Variants in UBE2H observed in about 807,000 individuals in gnomAD.
UBE2H encodes the protein ubiquitin conjugating enzyme E2 H.
In UBE2H, 3 loss-of-function variants were observed where a neutral mutation model predicts 29.0. The observed-to-expected ratio is 0.10, with a 90% CI of 0.05 to 0.27. UBE2H has a LOEUF of 0.27. Among genes scored for constraint, UBE2H ranks in the 10% least tolerant of loss-of-function variants. The probability of loss-of-function intolerance (pLI) is 1.00; values close to 1 mark genes in which losing one functional copy is unlikely to be tolerated. For synonymous variants in UBE2H, 69 were observed against 82.9 expected (o/e 0.83, Z 0.91); for missense variants, 68 against 228.2 (o/e 0.30, Z 4.52).
intron 1 of UBE2H, among the ~76,000 whole-genome samples, chr7:129,950,743 T>C (rs774688070): frequency 6.6e-6 from 1 of 152,236 alleles, no homozygotes; most frequent in Non-Finnish European, 1.5e-5. Flanking sequence ...TGTCATTTCC[T>C]AGTTTCTAAA....
intron 5 of UBE2H, among the ~76,000 whole-genome samples, chr7:129,848,191 C>A (rs1259086100): frequency 1.3e-5 from 2 of 152,290 alleles, no homozygotes; most frequent in African/African-American, 4.8e-5. Context: ...CTGCTGCACT[C>A]CAGCCTGGAC....
intron 1 of UBE2H, among the ~76,000 whole-genome samples, chr7:129,891,608 C>T (rs1391404791): frequency 6.6e-6 from 1 of 152,088 alleles, no homozygotes; most frequent in African/African-American, 2.4e-5. Context: ...TCAAGACCAG[C>T]CTGGCCAACA....
chr7:129,892,457 G>A (rs1451682938), intron 1 of UBE2H, among the ~76,000 whole-genome samples: 2 of 151,612 alleles, frequency 1.3e-5, no homozygotes, highest in Non-Finnish European at 2.9e-5. Flanking sequence ...TTGCCATATT[G>A]TCCAGGCTGG....
At chr7:129,844,458 T>C (rs879861661) in intron 5 of UBE2H, among the ~76,000 whole-genome samples, 9 of 152,240 alleles carry the variant, frequency 5.9e-5, no homozygotes, top group Non-Finnish European at 8.8e-5. Context: ...GAACACTTTT[T>C]CCCTAGATTT....
At chr7:129,879,504 ATG>A in intron 3 of UBE2H, 62 bp downstream of exon 3, 1 of 1,476,600 alleles carries the variant, frequency 6.8e-7, no homozygotes. Flanking sequence ...CTCCCCTGAA[ATG>A]TAAGATTTTT....
intron 5 of UBE2H, among the ~76,000 whole-genome samples, chr7:129,856,598 C>T (rs1805710224): frequency 1.3e-5 from 2 of 152,164 alleles, no homozygotes; most frequent in Non-Finnish European, 2.9e-5. Context: ...GGGGTAGGAG[C>T]ACTGGAGTAG....
chr7:129,900,931 T>C (rs892598427), intron 1 of UBE2H, among the ~76,000 whole-genome samples: 2 of 152,032 alleles, frequency 1.3e-5, no homozygotes, highest in African/African-American at 4.8e-5. Flanking sequence ...TTTGTATTTT[T>C]AGTAGAGAAG....
Position 129,893,185 on chromosome 7 carries a change from T to G in UBE2H, c.54-12214A>C, listed in dbSNP as rs56085705. On this transcript the variant is annotated intron_variant, in intron 1 of 6. Coordinates refer to ENST00000355621, the MANE Select transcript of UBE2H (RefSeq NM_003344.4). ...ATTACCACCTAGCAGACTAAATCAGTCTAGCCTTAGGAGAGGAAATTTTTC... is the reference window on the plus strand; with the variant it reads ...ATTACCACCTAGCAGACTAAATCAGGCTAGCCTTAGGAGAGGAAATTTTTC... Among the ~76,000 whole-genome samples, 3 of 152,188 alleles carry G rather than the reference T, an allele frequency of 2.0e-5. No individual in the cohort carries two copies. In the East Asian group the frequency reaches 5.8e-4, roughly 29 times the overall value.
chr7:129,856,221 A>G (rs1805702266), intron 5 of UBE2H, among the ~76,000 whole-genome samples: 1 of 152,238 alleles, frequency 6.6e-6, no homozygotes, highest in Non-Finnish European at 1.5e-5. Context: ...GGCTGGACTA[A>G]GAAGTCTTAC....
At chr7:129,857,904 T>A (rs1256585043) in intron 4 of UBE2H, among the ~76,000 whole-genome samples, 1 of 152,218 alleles carries the variant, frequency 6.6e-6, no homozygotes, top group African/African-American at 2.4e-5. Flanking sequence ...CTTAAGTGTG[T>A]TCATGCCCTG....
chr7:129,859,817 C>T (rs1805767321), intron 3 of UBE2H, among the ~76,000 whole-genome samples: 2 of 152,148 alleles, frequency 1.3e-5, no homozygotes. Flanking sequence ...ATCTGAAGTT[C>T]CTTATTAAGG....
chr7:129,838,482 A>G (rs1451010943), intron 6 of UBE2H, among the ~76,000 whole-genome samples: 6 of 152,140 alleles, frequency 3.9e-5, no homozygotes, highest in African/African-American at 1.4e-4. Flanking sequence ...GCTAGATACT[A>G]ATGCCTGCCA....
At chr7:129,846,270 G>A (rs1805508733) in intron 5 of UBE2H, among the ~76,000 whole-genome samples, 1 of 152,060 alleles carries the variant, frequency 6.6e-6, no homozygotes, top group Non-Finnish European at 1.5e-5. Flanking sequence ...CACTTTGGGA[G>A]GCCAAGGCAG....
At chr7:129,941,230 A>G (rs1807635730) in intron 1 of UBE2H, among the ~76,000 whole-genome samples, 1 of 152,122 alleles carries the variant, frequency 6.6e-6, no homozygotes, top group African/African-American at 2.4e-5. Flanking sequence ...TTTAGTAGAG[A>G]CAGGGTTTCA....
chr7:129,912,088 C>T (rs765802451), intron 1 of UBE2H, among the ~76,000 whole-genome samples: 22 of 152,094 alleles, frequency 1.4e-4, no homozygotes, highest in Non-Finnish European at 2.1e-4. Context: ...TAAAATGTTC[C>T]TTCAGTTTAG....
At chr7:129,852,609 C>T (rs1805631607) in intron 5 of UBE2H, among the ~76,000 whole-genome samples, 1 of 152,206 alleles carries the variant, frequency 6.6e-6, no homozygotes, top group Non-Finnish European at 1.5e-5. Flanking sequence ...ATTTTTCTCT[C>T]CAGCAAAATA....
At chr7:129,913,922 C>G (rs541224657) in intron 1 of UBE2H, among the ~76,000 whole-genome samples, 1 of 152,218 alleles carries the variant, frequency 6.6e-6, no homozygotes, top group Admixed American at 6.5e-5. Flanking sequence ...TTGTTACCGA[C>G]ATGGAAGGAG....
At chr7:129,855,951 T>C (rs1019667770) in intron 5 of UBE2H, among the ~76,000 whole-genome samples, 5 of 152,070 alleles carry the variant, frequency 3.3e-5, no homozygotes, top group African/African-American at 1.2e-4. Flanking sequence ...CTGGGTGCTG[T>C]GCTATGGAGG....
At chr7:129,895,832 C>T (rs1251516006) in intron 1 of UBE2H, among the ~76,000 whole-genome samples, 5 of 151,874 alleles carry the variant, frequency 3.3e-5, no homozygotes, top group East Asian at 3.9e-4. Flanking sequence ...GTTGAGATCG[C>T]GCCACTGCAC....
Sources: gnomAD v4.1 joint callset for allele counts (sites outside exome capture counted in the v4.1 genomes callset) on GRCh38, gnomAD v4.1.1 for gene constraint, MANE v1.5 for transcripts, NCBI Gene and HGNC (gene_info 2026-07-23, HGNC 2026-07-21) for gene names.